MAPK15: variants seen among roughly 807,000 people sequenced by gnomAD.
MAPK15 encodes the protein ERK-7.
In MAPK15, 61 loss-of-function variants were observed where a neutral mutation model predicts 60.8. That is an observed-to-expected ratio of 1.00 (90% confidence interval 0.82 to 1.24). The LOEUF (loss-of-function observed/expected upper bound fraction) is 1.24, where lower values mean the gene tolerates loss of function less well. MAPK15 is among the 50% of genes most tolerant of loss of function. The probability of loss-of-function intolerance (pLI) is 0.00; values close to 1 mark genes in which losing one functional copy is unlikely to be tolerated. For synonymous variants in MAPK15, 356 were observed against 319.9 expected, an observed-to-expected ratio of 1.11 and a Z score of -1.21; for missense variants, 808 against 741.1, an observed-to-expected ratio of 1.09 and a Z score of -1.05.
Position 143,720,654 on chromosome 8 carries a change from G to C in MAPK15, c.780-49G>C. On this transcript the variant is annotated intron_variant, in intron 8 of 13. Transcript: ENST00000338033. This position sits in a 1 kb window ranked among gnomAD's most constrained non-coding sequence, Gnocchi z 4.6. ...CCCCCAGCCACGAACATGGATCTGA[G>C]GAGGGGCCCTTGGGTCGGGCCCTGG... is the stretch of plus-strand genomic sequence containing the variant. The C allele has an allele frequency of 6.3e-7, 1 of 1,580,300 alleles. No individual in the cohort carries two copies. The highest frequency in any genetic ancestry group is 8.6e-7 in the Non-Finnish European group (1 of 1,163,214).
At position 143,720,257 on chromosome 8, in the gene MAPK15, G is replaced by T. The variant is rs201691605; in HGVS notation, c.749G>T (p.Arg250Leu). 6.3e-7 allele frequency: 1 copy of T among 1,588,564 alleles called. No homozygotes were observed. Among genetic ancestry groups the T allele is most frequent in the East Asian group, 2.3e-5 (1 of 43,872 alleles). ...CTCCTGGCTCTCGGCTCAGGCTGCCGTGCCTCTGTGCTGCACCAGCTGGGG... is the reference window on the plus strand; with the variant it reads ...CTCCTGGCTCTCGGCTCAGGCTGCCTTGCCTCTGTGCTGCACCAGCTGGGG... ...EDLLALGSGC[R>L]ASVLHQLGSR... Residue 250 changes from arginine to leucine, a missense_variant, in exon 8 of 14, where the codon CGT (arginine) becomes CTT (leucine). By Grantham distance (102) the Arg-to-Leu change is moderately radical. Transcript: ENST00000338033. The surrounding 1 kb of genome is among the most constrained non-coding windows in gnomAD (Gnocchi z 4.6).
Position 143,720,482 on chromosome 8 carries a change from G to A in MAPK15, c.779+195G>A. On this transcript the variant is annotated intron_variant, in intron 8 of 13. Coordinates refer to ENST00000338033, the MANE Select transcript of MAPK15 (RefSeq NM_139021.3). The surrounding 1 kb of genome is among the most constrained non-coding windows in gnomAD (Gnocchi z 4.6). Reference sequence around the variant, plus strand: ...TCTGGTGCTCCTAGAGGGTGGCCCAGAGGAGCTGTGCCAGGGCGTGGAGAG... The same window carrying A: ...TCTGGTGCTCCTAGAGGGTGGCCCAAAGGAGCTGTGCCAGGGCGTGGAGAG... 1 of 1,449,258 alleles carries A rather than the reference G, an allele frequency of 6.9e-7. No homozygotes were observed. The highest frequency in any genetic ancestry group is 9.1e-7 in the Non-Finnish European group (1 of 1,097,922). The allele number at this position is 1,449,258 out of a possible 1,614,324, so 89.8% of individuals were successfully genotyped here. A position where few individuals can be genotyped will look rare whatever the true frequency, so the allele number is the denominator to read the frequency against.
Position 143,721,484 on chromosome 8 carries a change from C to T in MAPK15, c.1205-65C>T. 19 of 1,612,292 alleles carry T rather than the reference C, an allele frequency of 1.2e-5. 1 individual carries two copies. In the South Asian group the frequency reaches 2.0e-4, roughly 17 times the overall value. ...TTCTGCCTGTGCTGCCAACTATGCG[C>T]AGCATTCGGTTCCTGACCCTGGGGT... On this transcript the variant is annotated intron_variant, in intron 11 of 13. Transcript: ENST00000338033.
chr8:143,718,102 A>T lies in MAPK15; in HGVS notation c.195+26A>T, dbSNP rs782634017. On this transcript the variant is annotated intron_variant, in intron 3 of 13. Coordinates refer to ENST00000338033, the MANE Select transcript of MAPK15 (RefSeq NM_139021.3). ...GTGAGTGGCCTGGGCCCTCCAGTCC[A>T]ATCCCCTTGCCCAGGTACAGATCTC... is the stretch of plus-strand genomic sequence containing the variant. 8.1e-6 allele frequency: 13 copies of T among 1,613,912 alleles called. No homozygotes were observed. The African/African-American group carries it at 1.7e-4, about 22-fold the overall frequency.
rs1554619587 is a variant in MAPK15 at position 143,720,892 on chromosome 8, G to C, written c.917+52G>C. On this transcript the variant is annotated intron_variant, in intron 9 of 13. Coordinates refer to ENST00000338033, the MANE Select transcript of MAPK15 (RefSeq NM_139021.3). This position sits in a 1 kb window ranked among gnomAD's most constrained non-coding sequence, Gnocchi z 4.6. ...TGCGGGGGGACAGAGGTGGGGGCAG[G>C]AGAGAGCCAGCCCATGAGGGACAGC... The C allele has an allele frequency of 6.3e-7, 1 of 1,595,268 alleles. No homozygotes were observed. The highest frequency in any genetic ancestry group is 1.7e-5 in the Admixed American group (1 of 59,446).
At position 143,719,410 on chromosome 8, in the gene MAPK15, C is replaced by T; in HGVS notation, c.649C>T (p.Leu217=). 6.2e-7 allele frequency: 1 copy of T among 1,611,666 alleles called. No homozygotes were observed. Among genetic ancestry groups the T allele is most frequent in the Non-Finnish European group, 8.5e-7 (1 of 1,179,096 alleles). ...ILGEMLRGRP[L]FPGTSTLHQL... ...GGGGGAGATGCTGCGGGGGAGACCC[C>T]TGTTCCCCGGCACGTCCACCCTCCA... The change falls in exon 7 of 14, where the codon CTG becomes TTG. Residue 217 remains leucine, a synonymous_variant. Coordinates refer to ENST00000338033, the MANE Select transcript of MAPK15 (RefSeq NM_139021.3).
chr8:143,718,971 TCAG>T lies in MAPK15; in HGVS notation c.418-20_418-18del. 1 of 1,601,524 alleles carries T rather than the reference TCAG, an allele frequency of 6.2e-7. No individual in the cohort carries two copies. The highest frequency in any genetic ancestry group is 8.5e-7 in the Non-Finnish European group (1 of 1,173,624). On this transcript the variant is annotated intron_variant, in intron 5 of 13. Transcript: ENST00000338033. Reference sequence around the variant, plus strand: ...CCCGGCCCCACCCAGCCCCGGGGCCTCAGCCTGCCTCCTCTCTGCAGCCGTCCA... The same window carrying T: ...CCCGGCCCCACCCAGCCCCGGGGCCTCCTGCCTCCTCTCTGCAGCCGTCCA...
chr8:143,718,398 C>A, intron 4 of MAPK15, 96 bp downstream of exon 4: 1 of 1,120,540 alleles, frequency 8.9e-7, no homozygotes, highest in Non-Finnish European at 1.3e-6. Flanking sequence ...TGTCCCTCTG[C>A]AGCTGGCCCA....
Position 143,718,067 on chromosome 8 carries a change from G to A in MAPK15, c.186G>A (p.Thr62=), listed in dbSNP as rs781899206. The part of the protein sequence containing the change: ...TDAQRTFREI[T]LLQEFGDHPN... Reference sequence around the variant, plus strand: ...TTCAGAGAACATTCCGGGAAATCACGCTCCTCCAGGTGAGTGGCCTGGGCC... The same window carrying A: ...TTCAGAGAACATTCCGGGAAATCACACTCCTCCAGGTGAGTGGCCTGGGCC... Residue 62 remains threonine, a synonymous_variant, in exon 3 of 14, where the codon ACG becomes ACA. Coordinates refer to ENST00000338033, the MANE Select transcript of MAPK15 (RefSeq NM_139021.3). 8 of 1,614,016 alleles carry A rather than the reference G, an allele frequency of 5.0e-6. No homozygotes were observed. Among genetic ancestry groups the A allele is most frequent in the South Asian group, 2.2e-5 (2 of 91,084 alleles).
Position 143,721,893 on chromosome 8 carries a change from C to G in MAPK15, c.1458+13C>G, listed in dbSNP as rs1818092414. On this transcript the variant is annotated intron_variant, in intron 13 of 13. Coordinates refer to ENST00000338033, the MANE Select transcript of MAPK15 (RefSeq NM_139021.3). The stretch of plus-strand genomic sequence containing the variant: ...CAGCGTACAACAGGTAAGCCCGGCC[C>G]AGTCTGCCCCCGTCCCCTCATCCTC... The G allele has an allele frequency of 6.4e-7, 1 of 1,560,592 alleles. No homozygotes were observed. Among genetic ancestry groups the G allele is most frequent in the African/African-American group, 1.3e-5 (1 of 74,108 alleles).
At chr8:143,718,412 T>C (rs1817899088) in intron 4 of MAPK15, 110 bp downstream of exon 4, 1 of 1,001,374 alleles carries the variant, frequency 1.0e-6, no homozygotes, top group Non-Finnish European at 1.6e-6. Context: ...TGGCCCACAG[T>C]GGCTTGCTCC....
rs782663012 is a variant in MAPK15, at chr8:143,719,450, TC to T, written c.691del (p.Leu231TrpfsTer63). The T allele has an allele frequency of 6.2e-7, 1 of 1,607,876 alleles. No homozygotes were observed. The highest frequency in any genetic ancestry group is 1.1e-5 in the South Asian group (1 of 90,180). Reference sequence around the variant, plus strand: ...TCCACCCTCCACCAGCTGGAGCTGATCCTGGAGACCATCCCACCGCCATCTG... The same window carrying T: ...TCCACCCTCCACCAGCTGGAGCTGATCTGGAGACCATCCCACCGCCATCTG... ...GTSTLHQLELILETIPPPSEE... is the reference protein window; with the variant it reads ...GTSTLHQLELXLETIPPPSEE... On this transcript the variant is annotated frameshift_variant, in exon 7 of 14. Coordinates refer to ENST00000338033, the MANE Select transcript of MAPK15 (RefSeq NM_139021.3). LOFTEE classifies it high-confidence loss of function.
chr8:143,718,727 G>GGGGGCCCCCCCCCCCC, intron 4 of MAPK15, 48 bp from the exon 5 acceptor site: 2 of 514,512 alleles, frequency 3.9e-6, no homozygotes, highest in East Asian at 3.3e-5. Context: ...CCCCCAGGTT[G>GGGGGCCCCCCCCCCCC]CCCCCCCAGC....
rs906089672 is a variant in MAPK15, at chr8:143,720,603, G to A, written c.780-100G>A. ...GGGCATCTACCTAGACAGGACAGCA[G>A]GGTGGACCCCAGTTTGGAAGCTGAG... On this transcript the variant is annotated intron_variant, in intron 8 of 13. Coordinates refer to ENST00000338033, the MANE Select transcript of MAPK15 (RefSeq NM_139021.3). The surrounding 1 kb of genome is among the most constrained non-coding windows in gnomAD (Gnocchi z 4.6). The A allele has an allele frequency of 1.4e-5, 22 of 1,517,248 alleles. No individual in the cohort carries two copies. The highest frequency in any genetic ancestry group is 1.8e-5 in the Non-Finnish European group (20 of 1,128,922). 94.0% of individuals were successfully genotyped at this position (1,517,248 alleles called of 1,614,324 possible). A position where few individuals can be genotyped will look rare whatever the true frequency, so the allele number is the denominator to read the frequency against.
chr8:143,718,936 T>C lies in MAPK15; in HGVS notation c.417+31T>C, dbSNP rs782175443. On this transcript the variant is annotated intron_variant, in intron 5 of 13. Coordinates refer to ENST00000338033, the MANE Select transcript of MAPK15 (RefSeq NM_139021.3). ...GTTCCCCCGCCCCCGCTATGCCACG[T>C]GGCCCGGCTCCCGGCCCCACCCAGC... 6 of 1,598,342 alleles carry C rather than the reference T, an allele frequency of 3.8e-6. No individual in the cohort carries two copies. The African/African-American group carries it at 4.0e-5, about 11-fold the overall frequency.
Position 143,719,150 on chromosome 8 carries a change from C to A in MAPK15, c.575C>A (p.Ser192Ter), listed in dbSNP as rs151138393. 447 of 1,542,820 alleles carry A rather than the reference C, an allele frequency of 2.9e-4. 2 individuals carry two copies. The African/African-American group carries it at 4.7e-3, about 16-fold the overall frequency. The stretch of plus-strand genomic sequence containing the variant: ...CGAGCACCGGAGGTGCTGCTCTCTT[C>A]GCACCGGTAATAGCGAGACATCCCC... Reference protein sequence around the residue: ...WYRAPEVLLSSHRYTLGVDMW... With the variant: ...WYRAPEVLLS Residue 192 changes from serine to a stop codon, truncating the protein, a stop_gained, in exon 6 of 14, where the codon TCG (serine) becomes TAG (stop). Coordinates refer to ENST00000338033, the MANE Select transcript of MAPK15 (RefSeq NM_139021.3). LOFTEE classifies it high-confidence loss of function.
In MAPK15 at chr8:143,718,791, A is replaced by G; in HGVS notation, c.303A>G (p.Ala101=). ...VFEFMDTDLN[A]VIRKGGLLQD... ...TCTCTGCAGACACTGACCTGAACGC[A>G]GTCATCCGGAAGGGCGGCCTGCTGC... Residue 101 remains alanine, a synonymous_variant, in exon 5 of 14, where the codon GCA becomes GCG. Transcript: ENST00000338033. 1 of 1,470,120 alleles carries G rather than the reference A, an allele frequency of 6.8e-7. No individual in the cohort carries two copies. Among genetic ancestry groups the G allele is most frequent in the Non-Finnish European group, 9.1e-7 (1 of 1,094,618 alleles). The allele number at this position is 1,470,120 out of a possible 1,614,324, so 91.1% of individuals were successfully genotyped here.
chr8:143,722,027 C>T, intron 13 of MAPK15, 48 bp from the exon 14 acceptor site: 1 of 1,576,826 alleles, frequency 6.3e-7, no homozygotes, highest in Non-Finnish European at 8.6e-7. Context: ...CTCCCCTCCA[C>T]TGCACCCCCT....
Position 143,722,128 on chromosome 8 carries a change from C to T in MAPK15, c.1512C>T (p.Thr504=), listed in dbSNP as rs1052293708. The change falls in exon 14 of 14, where the codon ACC becomes ACT. Residue 504 remains threonine, a synonymous_variant. Coordinates refer to ENST00000338033, the MANE Select transcript of MAPK15 (RefSeq NM_139021.3). ...EARPGRRMFS[T]SALQGAQGGA... ...GGCCCGGCCGGAGGATGTTCAGCACCTCTGCCTTGCAGGGTGCCCAGGGGG... is the reference window on the plus strand; with the variant it reads ...GGCCCGGCCGGAGGATGTTCAGCACTTCTGCCTTGCAGGGTGCCCAGGGGG... The T allele has an allele frequency of 6.2e-7, 1 of 1,612,572 alleles. No homozygotes were observed. Among genetic ancestry groups the T allele is most frequent in the Non-Finnish European group, 8.5e-7 (1 of 1,179,822 alleles).
Sources: gnomAD v4.1 joint callset for allele counts on GRCh38, gnomAD v4.1.1 for gene constraint, Gnocchi (gnomAD v3.1) non-coding constraint, MANE v1.5 for transcripts, NCBI Gene and HGNC (gene_info 2026-07-23, HGNC 2026-07-21) for gene names.